CTSB: variants seen among roughly 807,000 people sequenced by gnomAD.
CTSB encodes the protein cathepsin B.
In CTSB, 57 loss-of-function variants were observed where a neutral mutation model predicts 44.3. The observed-to-expected ratio is 1.29, with a 90% CI of 1.04 to 1.60. The LOEUF is 1.60. Among genes scored for constraint, CTSB ranks in the 40% most tolerant of loss-of-function variants. The pLI is 0.00. For missense variants in CTSB, 768 were observed against 443.0 expected, an observed-to-expected ratio of 1.73 and a Z score of -6.59; for synonymous variants, 320 against 168.0, an observed-to-expected ratio of 1.91 and a Z score of -7.00.
chr8:11,845,200 T>G lies in CTSB; in HGVS notation c.945A>C (p.Gly315=), dbSNP rs373938232. 3.7e-6 allele frequency: 6 copies of G among 1,613,510 alleles called. No individual in the cohort carries two copies. The highest frequency in any genetic ancestry group is 5.1e-6 in the Non-Finnish European group (6 of 1,179,542). ...CTGATTCGATTCCACAGTGATCCTG[T>G]CCTCTGAGTATTTTAAAGAAGCCTG... ...GDNGFFKILR[G]QDHCGIESEV... The change falls in exon 10 of 10, where the codon GGA becomes GGC. Residue 315 remains glycine (G), a synonymous_variant. Transcript: ENST00000353047.
intron 1 of CTSB, chr8:11,853,706 G>A: frequency 2.1e-6 from 1 of 480,758 alleles, no homozygotes; most frequent in Non-Finnish European, 3.7e-6. Flanking sequence ...CCCAGAGAGA[G>A]AGCCAAGGGG....
At chr8:11,859,291 C>T (rs1816003216) in intron 1 of CTSB, among the ~76,000 whole-genome samples, 1 of 152,044 alleles carries the variant, frequency 6.6e-6, no homozygotes, top group South Asian at 2.1e-4. Flanking sequence ...CCTTCCTCCC[C>T]CGGCAAACGG....
chr8:11,850,419 C>CAAAAAA (rs61067792), intron 4 of CTSB, among the ~76,000 whole-genome samples: 34 of 53,706 alleles, frequency 6.3e-4, no homozygotes, highest in African/African-American at 2.4e-3. Context: ...ACTCCATCTC[C>CAAAAAA]AAAAAAAAAA....
chr8:11,858,852 A>G (rs1261410453), intron 1 of CTSB, among the ~76,000 whole-genome samples: 1 of 152,210 alleles, frequency 6.6e-6, no homozygotes, highest in Non-Finnish European at 1.5e-5. Context: ...ATGGGACAGC[A>G]ACCCATTTTC....
chr8:11,844,960 T>A lies in CTSB; in HGVS notation c.*165A>T, dbSNP rs1486495945. 5 of 614,364 alleles carry A rather than the reference T, an allele frequency of 8.1e-6. No homozygotes were observed. In the African/African-American group the frequency reaches 9.2e-5, roughly 11 times the overall value. The allele number at this position is 614,364 out of a possible 1,614,324, so 38.1% of individuals were successfully genotyped here. ...GCCTGTCTGCACTGTAACCACAGGCTGGGATGTAGCCAGGACTTGGTCTCC... is the reference window on the plus strand; with the variant it reads ...GCCTGTCTGCACTGTAACCACAGGCAGGGATGTAGCCAGGACTTGGTCTCC... On this transcript the variant is annotated 3_prime_UTR_variant, in exon 10 of 10. Transcript: ENST00000353047.
intron 1 of CTSB, among the ~76,000 whole-genome samples, chr8:11,862,058 A>C (rs1351716512): frequency 6.6e-6 from 1 of 152,046 alleles, no homozygotes; most frequent in Non-Finnish European, 1.5e-5. Context: ...ATACAAAAAA[A>C]TAGCCAGGCA....
At chr8:11,863,818 C>G (rs1398129684) in intron 1 of CTSB, among the ~76,000 whole-genome samples, 2 of 152,184 alleles carry the variant, frequency 1.3e-5, no homozygotes, top group African/African-American at 4.8e-5. Context: ...ACTCTGCACA[C>G]TGCTGGGCGA....
chr8:11,853,236 G>A, intron 2 of CTSB, 93 bp downstream of exon 2: 2 of 1,525,414 alleles, frequency 1.3e-6, no homozygotes, highest in Middle Eastern at 1.7e-4. Context: ...ATGTTCTGTG[G>A]GCCACAGTGA....
chr8:11,845,359 C>T lies in CTSB; in HGVS notation c.923-137G>A, dbSNP rs1813088391. 1.4e-5 allele frequency: 10 copies of T among 707,260 alleles called. No homozygotes were observed. In the South Asian group the frequency reaches 1.8e-4, roughly 13 times the overall value. The allele number at this position is 707,260 out of a possible 1,614,324, so 43.8% of individuals were successfully genotyped here. A position where few individuals can be genotyped will look rare whatever the true frequency, so the allele number is the denominator to read the frequency against. On this transcript the variant is annotated intron_variant, in intron 9 of 9. Coordinates refer to ENST00000353047, the MANE Select transcript of CTSB (RefSeq NM_001908.5). ...CCCACTAGCACAGTCCTCAACACCA[C>T]AAGGCTTCTGGAGCCGTGGGGCACA...
intron 1 of CTSB, among the ~76,000 whole-genome samples, chr8:11,864,185 A>G (rs958139680): frequency 3.3e-5 from 5 of 152,048 alleles, no homozygotes; most frequent in African/African-American, 1.2e-4. Flanking sequence ...TAAAAGTACA[A>G]AAAGGCCTGG....
At chr8:11,855,563 A>G (rs190923309) in intron 1 of CTSB, among the ~76,000 whole-genome samples, 80 of 152,346 alleles carry the variant, frequency 5.3e-4, no homozygotes, top group African/African-American at 1.8e-3. Flanking sequence ...ACAGCCTTCA[A>G]GGGAAAATGC....
intron 9 of CTSB, among the ~76,000 whole-genome samples, 169 bp from the exon 10 acceptor site, chr8:11,845,391 C>T (rs1253005063): frequency 3.3e-5 from 5 of 152,244 alleles, no homozygotes; most frequent in South Asian, 2.1e-4. Context: ...CACACCTCCA[C>T]GGGCAAGCCC....
At chr8:11,852,789 G>C in intron 2 of CTSB, 94 bp from the exon 3 acceptor site, 1 of 1,223,540 alleles carries the variant, frequency 8.2e-7, no homozygotes, top group Non-Finnish European at 1.2e-6. Context: ...GGGAAAACCA[G>C]AGACCCTACC....
chr8:11,850,671 G>A (rs1714350412), intron 4 of CTSB, 195 bp downstream of exon 4: 1 of 475,028 alleles, frequency 2.1e-6, no homozygotes, highest in Admixed American at 3.3e-5. Flanking sequence ...TGGATGCTCT[G>A]CCCGCCACTC....
intron 5 of CTSB, 145 bp from the exon 6 acceptor site, chr8:11,848,297 AC>A (rs1475414563): frequency 1.4e-6 from 1 of 726,546 alleles, no homozygotes; most frequent in Non-Finnish European, 2.5e-6. Flanking sequence ...CAGACCCCAA[AC>A]CCTCCAAGGG....
chr8:11,848,541 C>CCA, intron 5 of CTSB: 1 of 368,044 alleles, frequency 2.7e-6, no homozygotes, highest in South Asian at 2.2e-5. Flanking sequence ...TCCCATTTAA[C>CCA]TAGTTAGGGG....
chr8:11,853,709 C>T lies in CTSB; in HGVS notation c.-25-230G>A, dbSNP rs1815022527. On this transcript the variant is annotated intron_variant, in intron 1 of 9. Coordinates refer to ENST00000353047, the MANE Select transcript of CTSB (RefSeq NM_001908.5). ...AGGCGGCCAGAGCCCAGAGAGAGAG[C>T]CAAGGGGCTGTGCTGGACGAGACCG... 4 of 474,296 alleles carry T rather than the reference C, an allele frequency of 8.4e-6. No individual in the cohort carries two copies. In the East Asian group the frequency reaches 1.0e-4, roughly 12 times the overall value. 29.4% of individuals were successfully genotyped at this position (474,296 alleles called of 1,614,324 possible). A position where few individuals can be genotyped will look rare whatever the true frequency, so the allele number is the denominator to read the frequency against.
intron 7 of CTSB, 121 bp downstream of exon 7, chr8:11,847,558 C>G: frequency 8.9e-7 from 1 of 1,124,648 alleles, no homozygotes; most frequent in Non-Finnish European, 1.2e-6. Context: ...TCCCCCTCCT[C>G]TATCCTAGAG....
At chr8:11,863,826 C>T (rs768999350) in intron 1 of CTSB, among the ~76,000 whole-genome samples, 7 of 152,184 alleles carry the variant, frequency 4.6e-5, no homozygotes, top group South Asian at 4.2e-4. Context: ...CACTGCTGGG[C>T]GAGTAAATTG....
Sources: gnomAD v4.1 joint callset for allele counts (sites outside exome capture counted in the v4.1 genomes callset) on GRCh38, gnomAD v4.1.1 for gene constraint, MANE v1.5 for transcripts, NCBI Gene and HGNC (gene_info 2026-07-23, HGNC 2026-07-21) for gene names.